The following ALG8 variants were observed in gnomAD, a reference collection of about 807,000 sequenced individuals.
The protein encoded by ALG8 is dolichyl pyrophosphate Glc1Man9GlcNAc2 alpha-1,3-glucosyltransferase.
ALG8 carries 48 observed loss-of-function variants against 70.2 expected under a neutral mutation model. That is an observed-to-expected ratio of 0.68 (90% CI 0.54 to 0.87). ALG8 has a LOEUF of 0.87. ALG8 is among the 40% of genes least tolerant of loss of function. The pLI is 0.00. For synonymous variants in ALG8, 234 were observed against 229.0 expected, an observed-to-expected ratio of 1.02 and a Z score of -0.20; for missense variants, 572 against 608.7, an observed-to-expected ratio of 0.94 and a Z score of 0.64.
chr11:78,113,283 G>C (rs1055793798), intron 7 of ALG8, among the ~76,000 whole-genome samples: 3 of 152,146 alleles, frequency 2.0e-5, no homozygotes, highest in Non-Finnish European at 4.4e-5. Context: ...ATTTTATCAA[G>C]TAAGTAAACT....
At chr11:78,132,832 CATTT>C (rs1861362347) in intron 1 of ALG8, among the ~76,000 whole-genome samples, 1 of 107,774 alleles carries the variant, frequency 9.3e-6, no homozygotes, top group African/African-American at 4.0e-5. Context: ...CTTCTTCTTC[CATTT>C]TTTTTTTTTT....
chr11:78,102,366 A>G (rs1321330239), intron 12 of ALG8, among the ~76,000 whole-genome samples: 2 of 152,204 alleles, frequency 1.3e-5, no homozygotes, highest in African/African-American at 4.8e-5. Context: ...TTCAAGATTC[A>G]TTCATGTAGC....
chr11:78,123,183 G>A (rs1427952569), intron 3 of ALG8, among the ~76,000 whole-genome samples: 1 of 151,982 alleles, frequency 6.6e-6, no homozygotes, highest in Admixed American at 6.6e-5. Context: ...GTGTGCACCT[G>A]TAATCCAAGC....
At chr11:78,104,577 C>T in intron 10 of ALG8, 124 bp from the exon 11 acceptor site, 1 of 874,776 alleles carries the variant, frequency 1.1e-6, no homozygotes, top group Admixed American at 2.4e-5. Context: ...GATTTTGGCA[C>T]AAGTTCAATT....
chr11:78,121,287 CTT>C (rs376124604), intron 3 of ALG8, 113 bp from the exon 4 acceptor site: 3,940 of 609,832 alleles, frequency 6.5e-3, no homozygotes, highest in Middle Eastern at 8.4e-3. Flanking sequence ...ACATGCCATT[CTT>C]TTTTTTTTTT....
intron 6 of ALG8, 22 bp downstream of exon 6, chr11:78,114,244 T>C: frequency 6.2e-7 from 1 of 1,613,874 alleles, no homozygotes; most frequent in East Asian, 2.2e-5. Context: ...AAAATGTTTT[T>C]GCTATTATTA....
intron 5 of ALG8, 53 bp from the exon 6 acceptor site, chr11:78,114,445 C>T (rs188586512): frequency 1.9e-6 from 3 of 1,598,406 alleles, no homozygotes; most frequent in Admixed American, 3.4e-5. Flanking sequence ...AAATGAAATG[C>T]AATAATGTGG....
At chr11:78,122,478 A>G (rs1173371921) in intron 3 of ALG8, among the ~76,000 whole-genome samples, 2 of 151,848 alleles carry the variant, frequency 1.3e-5, no homozygotes, top group Non-Finnish European at 2.9e-5. Context: ...AGTAGCTGGG[A>G]CAACAGTCCC....
intron 9 of ALG8, among the ~76,000 whole-genome samples, chr11:78,107,186 A>G (rs1860072673): frequency 7.8e-6 from 1 of 128,234 alleles, no homozygotes; most frequent in Non-Finnish European, 1.6e-5. Flanking sequence ...AAATAAATAT[A>G]TTTTATATGT....
intron 1 of ALG8, among the ~76,000 whole-genome samples, chr11:78,138,379 A>C (rs1344798305): frequency 2.0e-5 from 3 of 152,160 alleles, no homozygotes; most frequent in East Asian, 3.9e-4. Context: ...CAAACAAAAA[A>C]AACAACTCTG....
chr11:78,136,986 C>T (rs1380381202), intron 1 of ALG8, among the ~76,000 whole-genome samples: 1 of 151,978 alleles, frequency 6.6e-6, no homozygotes, highest in African/African-American at 2.4e-5. Flanking sequence ...ACTGCAACCT[C>T]CACCTCCCGG....
chr11:78,122,095 T>C (rs1352683215), intron 3 of ALG8, among the ~76,000 whole-genome samples: 1 of 152,186 alleles, frequency 6.6e-6, no homozygotes, highest in Admixed American at 6.5e-5. Context: ...AATGGGGATG[T>C]ATTATTCTAT....
intron 8 of ALG8, 140 bp downstream of exon 8, chr11:78,112,510 T>C: frequency 1.6e-6 from 2 of 1,284,698 alleles, no homozygotes; most frequent in South Asian, 1.2e-5. Context: ...CTGCTCCCCC[T>C]GTTCATCCTG....
chr11:78,107,098 A>G (rs1404429879), intron 9 of ALG8, 152 bp from the exon 10 acceptor site: 5 of 1,016,894 alleles, frequency 4.9e-6, no homozygotes, highest in Middle Eastern at 3.0e-4. Flanking sequence ...CTTTGTGCAC[A>G]GTCTAACAAA....
chr11:78,123,265 A>C (rs1362880163), intron 3 of ALG8, among the ~76,000 whole-genome samples: 1 of 150,034 alleles, frequency 6.7e-6, no homozygotes, highest in Non-Finnish European at 1.5e-5. Context: ...ATCGCGCCAC[A>C]ATACTCTAGC....
rs1435787174 is a variant in ALG8 at position 78,139,505 on chromosome 11, G to A, written c.84C>T (p.Leu28=). The part of the protein sequence containing the change: ...ALGVTLLKCL[L]IPTYHSTDFE... ...TGCGAGTCCCTTACTATGTGGGGATGAGAAGGCATTTGAGAAGAGTCACCC... is the reference window on the plus strand; with the variant it reads ...TGCGAGTCCCTTACTATGTGGGGATAAGAAGGCATTTGAGAAGAGTCACCC... The change falls in exon 1 of 13, where the codon CTC becomes CTT. Residue 28 remains leucine, a synonymous_variant. Transcript: ENST00000299626. The A allele has an allele frequency of 2.6e-6, 4 of 1,559,828 alleles. No individual in the cohort carries two copies. In the Admixed American group the frequency reaches 7.7e-5, roughly 30 times the overall value.
chr11:78,123,268 A>G (rs1288566378), intron 3 of ALG8, among the ~76,000 whole-genome samples: 1 of 142,640 alleles, frequency 7.0e-6, no homozygotes, highest in East Asian at 2.1e-4. Context: ...GCGCCACAAT[A>G]CTCTAGCCTG....
intron 1 of ALG8, among the ~76,000 whole-genome samples, chr11:78,131,781 AAAAC>A (rs1426794583): frequency 6.6e-6 from 1 of 152,156 alleles, no homozygotes; most frequent in Non-Finnish European, 1.5e-5. Context: ...TCTAAAAATT[AAAAC>A]AAACAAAAAC....
intron 3 of ALG8, among the ~76,000 whole-genome samples, chr11:78,123,303 A>AG (rs1419729344): frequency 8.5e-6 from 1 of 117,868 alleles, no homozygotes; most frequent in East Asian, 2.5e-4. Flanking sequence ...ATTCCATCTC[A>AG]GGGAAAAAAA....
Sources: gnomAD v4.1 joint callset for allele counts (sites outside exome capture counted in the v4.1 genomes callset) on GRCh38, gnomAD v4.1.1 for gene constraint, MANE v1.5 for transcripts, NCBI Gene and HGNC (gene_info 2026-07-23, HGNC 2026-07-21) for gene names.